CACNA2D1: variants seen among roughly 807,000 people sequenced by gnomAD.
The protein encoded by CACNA2D1 is voltage-dependent calcium channel subunit alpha-2/delta-1.
In CACNA2D1, 53 loss-of-function variants were observed where a neutral mutation model predicts 171.5. The ratio of observed to expected loss-of-function variants is 0.31; its 90% confidence interval spans 0.25 to 0.39. CACNA2D1 has a LOEUF of 0.39. CACNA2D1 is among the 10% of genes least tolerant of loss of function. The pLI, the probability that CACNA2D1 is intolerant of heterozygous loss-of-function variation, is 1.00. For synonymous variants in CACNA2D1, 442 were observed against 443.1 expected (o/e 1.00, Z 0.03); for missense variants, 903 against 1,299.8 (o/e 0.69, Z 4.69).
intron 10 of CACNA2D1, among the ~76,000 whole-genome samples, chr7:82,058,171 G>A (rs896110506): frequency 1.3e-5 from 2 of 152,136 alleles, no homozygotes; most frequent in African/African-American, 4.8e-5. Context: ...AGAGAATTAA[G>A]TTCCTTTAAA....
intron 14 of CACNA2D1, among the ~76,000 whole-genome samples, chr7:82,012,613 A>G (rs1205398229): frequency 6.6e-6 from 1 of 152,154 alleles, no homozygotes. Flanking sequence ...GCACAAATTT[A>G]AAATCATACA....
intron 12 of CACNA2D1, among the ~76,000 whole-genome samples, chr7:82,032,578 A>C (rs2131151745): frequency 6.6e-6 from 1 of 151,996 alleles, no homozygotes; most frequent in South Asian, 2.1e-4. Context: ...ATACTTTATT[A>C]ACATATTAGG....
intron 38 of CACNA2D1, among the ~76,000 whole-genome samples, chr7:81,957,060 T>C (rs898493316): frequency 6.6e-6 from 1 of 152,138 alleles, no homozygotes; most frequent in African/African-American, 2.4e-5. Flanking sequence ...TTAAGTCAGA[T>C]TTATTTTAAA....
At chr7:82,141,855 C>T (rs779505263) in intron 4 of CACNA2D1, among the ~76,000 whole-genome samples, 12 of 152,152 alleles carry the variant, frequency 7.9e-5, no homozygotes, top group Non-Finnish European at 1.6e-4. Flanking sequence ...ACTAAAAATT[C>T]CCTCAGTCCC....
At chr7:82,406,265 G>A (rs924710361) in intron 1 of CACNA2D1, among the ~76,000 whole-genome samples, 2 of 152,126 alleles carry the variant, frequency 1.3e-5, no homozygotes, top group Non-Finnish European at 2.9e-5. Flanking sequence ...GTGTATATGT[G>A]CCACATTTTC....
intron 3 of CACNA2D1, among the ~76,000 whole-genome samples, chr7:82,194,897 T>TG (rs1271654581): frequency 6.6e-6 from 1 of 150,956 alleles, no homozygotes; most frequent in East Asian, 2.0e-4. Flanking sequence ...AGCACAAGAA[T>TG]GGGGGGCGGG....
Position 82,262,192 on chromosome 7 carries a change from G to A in CACNA2D1, c.294+72943C>T, listed in dbSNP as rs561873855. Among the ~76,000 whole-genome samples the A allele has an allele frequency of 1.2e-4, 19 of 152,188 alleles. No homozygotes were observed. The East Asian group carries it at 2.3e-3, about 19-fold the overall frequency. On this transcript the variant is annotated intron_variant, in intron 3 of 38. Coordinates refer to ENST00000356860, the MANE Select transcript of CACNA2D1 (RefSeq NM_000722.4). ...TAAAAATACAACAAATTAGCCAGGC[G>A]TGGTGGCAGGCACCTGTAGTCCCAG...
intron 1 of CACNA2D1, among the ~76,000 whole-genome samples, chr7:82,427,666 T>C (rs1829311697): frequency 3.3e-5 from 5 of 152,346 alleles, no homozygotes; most frequent in Admixed American, 3.3e-4. Context: ...CTTGTTCAAG[T>C]TACCCAGCTA....
intron 6 of CACNA2D1, among the ~76,000 whole-genome samples, chr7:82,088,098 G>T (rs1474722160): frequency 2.0e-5 from 3 of 151,782 alleles, no homozygotes; most frequent in Middle Eastern, 6.8e-3. Context: ...GTTTTGTTTT[G>T]TTTTTTTGTT....
At chr7:82,169,430 C>A (rs1034753991) in intron 4 of CACNA2D1, among the ~76,000 whole-genome samples, 3 of 151,840 alleles carry the variant, frequency 2.0e-5, no homozygotes, top group Non-Finnish European at 2.9e-5. Flanking sequence ...TAGAGTCTCT[C>A]ATTAGTAGAC....
At chr7:81,975,840 G>A (rs1795785562) in intron 24 of CACNA2D1, among the ~76,000 whole-genome samples, 1 of 151,672 alleles carries the variant, frequency 6.6e-6, no homozygotes, top group African/African-American at 2.4e-5. Flanking sequence ...ATTTTCGTTG[G>A]AAAGCTCAGT....
chr7:81,996,143 A>G (rs1798019616), intron 19 of CACNA2D1, among the ~76,000 whole-genome samples: 1 of 152,144 alleles, frequency 6.6e-6, no homozygotes, highest in African/African-American at 2.4e-5. Context: ...AGTCCTTTCT[A>G]TATATTATTT....
intron 1 of CACNA2D1, among the ~76,000 whole-genome samples, chr7:82,382,903 A>ATGGTATCAAGGG (rs1376710533): frequency 1.3e-5 from 2 of 152,200 alleles, no homozygotes; most frequent in Non-Finnish European, 2.9e-5. Context: ...TTCTGCATGA[A>ATGGTATCAAGGG]ATATATCATG....
At chr7:82,269,458 C>T (rs1341824859) in intron 3 of CACNA2D1, among the ~76,000 whole-genome samples, 1 of 152,132 alleles carries the variant, frequency 6.6e-6, no homozygotes, top group Non-Finnish European at 1.5e-5. Flanking sequence ...TGCTTCATAA[C>T]TTTGCATTGT....
At chr7:82,365,544 T>A (rs1821592852) in intron 1 of CACNA2D1, among the ~76,000 whole-genome samples, 1 of 152,236 alleles carries the variant, frequency 6.6e-6, no homozygotes, top group Non-Finnish European at 1.5e-5. Flanking sequence ...AGTAAGGGAT[T>A]CAAATAACAT....
intron 27 of CACNA2D1, among the ~76,000 whole-genome samples, 171 bp from the exon 28 acceptor site, chr7:81,970,155 T>C (rs1795118868): frequency 6.6e-6 from 1 of 151,430 alleles, no homozygotes; most frequent in Admixed American, 6.6e-5. Flanking sequence ...TGCATCAGCA[T>C]AGCACTAAAT....
chr7:82,215,031 G>A (rs952963531), intron 3 of CACNA2D1, among the ~76,000 whole-genome samples: 1 of 152,052 alleles, frequency 6.6e-6, no homozygotes, highest in Non-Finnish European at 1.5e-5. Context: ...GAGAGTTTTT[G>A]GCTAAACAGA....
At chr7:82,187,760 T>C (rs957499984) in intron 3 of CACNA2D1, among the ~76,000 whole-genome samples, 3 of 149,574 alleles carry the variant, frequency 2.0e-5, no homozygotes, top group Non-Finnish European at 4.5e-5. Context: ...AGAGCTAAAT[T>C]TGGGCTACTG....
chr7:82,376,800 T>C (rs1039782846), intron 1 of CACNA2D1, among the ~76,000 whole-genome samples: 1 of 152,206 alleles, frequency 6.6e-6, no homozygotes, highest in East Asian at 1.9e-4. Flanking sequence ...CTGAGCAATG[T>C]CAGCTTTATA....
Sources: allele counts gnomAD v4.1 joint callset (sites outside exome capture counted in the v4.1 genomes callset), GRCh38; gene constraint gnomAD v4.1.1; transcripts MANE v1.5; gene names NCBI Gene and HGNC (gene_info 2026-07-23, HGNC 2026-07-21).